Variants in WWOX observed in about 807,000 individuals in gnomAD.
WWOX encodes WW domain containing oxidoreductase.
In WWOX, 69 loss-of-function variants were observed where a neutral mutation model predicts 46.2. The ratio of observed to expected loss-of-function variants is 1.49; its 90% CI spans 1.23 to 1.82. The LOEUF (loss-of-function observed/expected upper bound fraction) is 1.82, where lower values mean the gene tolerates loss of function less well. WWOX is among the 40% of genes most tolerant of loss of function. The pLI is 0.00. For synonymous variants in WWOX, 359 were observed against 202.6 expected (o/e 1.77, Z -6.56); for missense variants, 919 against 542.6 (o/e 1.69, Z -6.89).
chr16:78,185,986 A>G (rs1331384220), intron 5 of WWOX, among the ~76,000 whole-genome samples: 3 of 152,120 alleles, frequency 2.0e-5, no homozygotes, highest in African/African-American at 4.8e-5. Flanking sequence ...TTTAACAGCA[A>G]CTTAAAGGCG....
At chr16:78,729,963 G>T (rs568383313) in intron 8 of WWOX, among the ~76,000 whole-genome samples, 1 of 152,144 alleles carries the variant, frequency 6.6e-6, no homozygotes, top group Non-Finnish European at 1.5e-5. Flanking sequence ...GAAGGTCATA[G>T]TTTCCTCATC....
chr16:78,921,903 C>A (rs9921918), intron 8 of WWOX, among the ~76,000 whole-genome samples: 2,483 of 152,246 alleles, frequency 0.016, 69 homozygotes, highest in African/African-American at 0.057. Flanking sequence ...TTTACAGTTA[C>A]AGTTTATTAC....
chr16:78,438,551 G>C (rs2083380664), intron 8 of WWOX, among the ~76,000 whole-genome samples: 1 of 152,022 alleles, frequency 6.6e-6, no homozygotes, highest in South Asian at 2.1e-4. Flanking sequence ...CCAGTATGCA[G>C]ATTTGAAGTT....
intron 4 of WWOX, among the ~76,000 whole-genome samples, chr16:78,141,554 G>A (rs2033989087): frequency 6.6e-6 from 1 of 151,570 alleles, no homozygotes; most frequent in African/African-American, 2.4e-5. Flanking sequence ...TTGTAGGGGA[G>A]GAAAGGATTG....
At chr16:78,275,010 A>C (rs557669281) in intron 5 of WWOX, among the ~76,000 whole-genome samples, 308 of 152,260 alleles carry the variant, frequency 2.0e-3, no homozygotes, top group Non-Finnish European at 3.6e-3. Flanking sequence ...TCATGATGTG[A>C]ATCAGTTCAG....
chr16:78,181,068 C>G (rs2035518013), intron 5 of WWOX, among the ~76,000 whole-genome samples: 1 of 152,048 alleles, frequency 6.6e-6, no homozygotes, highest in Non-Finnish European at 1.5e-5. Context: ...AGTAATTGTC[C>G]TGAAGCCTGT....
intron 5 of WWOX, among the ~76,000 whole-genome samples, chr16:78,171,134 C>T (rs74487800): frequency 0.022 from 3,382 of 152,186 alleles, 136 homozygotes; most frequent in African/African-American, 0.077. Flanking sequence ...CTCATGGGCT[C>T]AACATTTTGC....
At chr16:78,906,408 T>A (rs1207971225) in intron 8 of WWOX, among the ~76,000 whole-genome samples, 1 of 152,132 alleles carries the variant, frequency 6.6e-6, no homozygotes, top group African/African-American at 2.4e-5. Flanking sequence ...CCTTCCTACT[T>A]TCCCTCCCCA....
intron 6 of WWOX, among the ~76,000 whole-genome samples, chr16:78,387,547 C>G (rs969041819): frequency 6.6e-6 from 1 of 151,956 alleles, no homozygotes; most frequent in African/African-American, 2.4e-5. Flanking sequence ...GCATCCCTTT[C>G]TAACAGAGAA....
chr16:78,419,994 TATG>T (rs1358934131), intron 6 of WWOX, among the ~76,000 whole-genome samples: 10 of 152,190 alleles, frequency 6.6e-5, no homozygotes, highest in South Asian at 2.1e-4. Flanking sequence ...TTCCTCCAAA[TATG>T]ATACACAAAT....
chr16:78,722,727 A>C (rs1475202839), intron 8 of WWOX, among the ~76,000 whole-genome samples: 1 of 142,190 alleles, frequency 7.0e-6, no homozygotes, highest in Non-Finnish European at 1.5e-5. Context: ...TTTTTCCTCT[A>C]AATAAACAAA....
chr16:78,439,747 T>A (rs1269378366), intron 8 of WWOX, among the ~76,000 whole-genome samples: 4 of 152,230 alleles, frequency 2.6e-5, no homozygotes, highest in Non-Finnish European at 2.9e-5. Context: ...TTGCTTCCCA[T>A]GTATCCAGAG....
rs115615224 is a variant in WWOX, at chr16:78,851,581, G to C, written c.1057-360027G>C. On this transcript the variant is annotated intron_variant, in intron 8 of 8. Transcript: ENST00000566780. ...TTTTCCATCTTTCCCACTAGACGGTGAGGGACTTTATCTGTCTCATTCACC... is the reference window on the plus strand; with the variant it reads ...TTTTCCATCTTTCCCACTAGACGGTCAGGGACTTTATCTGTCTCATTCACC... 8.7e-3 allele frequency among the ~76,000 whole-genome samples: 1,323 copies of C among 152,344 alleles called. 20 individuals are homozygous for C. Among genetic ancestry groups the C allele is most frequent in the African/African-American group, 0.03 (1,268 of 41,578 alleles).
intron 8 of WWOX, among the ~76,000 whole-genome samples, chr16:78,543,885 C>T (rs140456956): frequency 5.3e-5 from 8 of 152,196 alleles, no homozygotes; most frequent in East Asian, 1.9e-4. Flanking sequence ...GTATCAAGGA[C>T]GGTTGGTACT....
At chr16:78,987,228 G>T (rs987307452) in intron 8 of WWOX, among the ~76,000 whole-genome samples, 2 of 152,148 alleles carry the variant, frequency 1.3e-5, no homozygotes, top group Non-Finnish European at 2.9e-5. Context: ...TTTATAAGTA[G>T]GCTGTGCTTA....
intron 4 of WWOX, among the ~76,000 whole-genome samples, chr16:78,125,042 A>G (rs2033301279): frequency 6.6e-6 from 1 of 152,240 alleles, no homozygotes. Flanking sequence ...GTTGCACAGA[A>G]ACTGAAGTTA....
intron 8 of WWOX, among the ~76,000 whole-genome samples, chr16:78,785,557 T>C (rs939921837): frequency 6.6e-6 from 1 of 152,182 alleles, no homozygotes; most frequent in Admixed American, 6.5e-5. Flanking sequence ...AATTTACAAA[T>C]AAGAAGAAGA....
At chr16:78,353,165 TTCA>T (rs1260459659) in intron 5 of WWOX, among the ~76,000 whole-genome samples, 1 of 152,194 alleles carries the variant, frequency 6.6e-6, no homozygotes, top group Admixed American at 6.5e-5. Flanking sequence ...TTTCTGCCTT[TTCA>T]TCATAACACC....
At chr16:78,204,594 T>C (rs548742794) in intron 5 of WWOX, among the ~76,000 whole-genome samples, 2 of 152,312 alleles carry the variant, frequency 1.3e-5, no homozygotes, top group Non-Finnish European at 2.9e-5. Context: ...ACCATTTTTG[T>C]GCTCTCCATT....
Sources: allele counts gnomAD v4.1 joint callset (sites outside exome capture counted in the v4.1 genomes callset), GRCh38; gene constraint gnomAD v4.1.1; transcripts MANE v1.5; gene names NCBI Gene and HGNC (gene_info 2026-07-23, HGNC 2026-07-21).